The following CLPTM1 variants were observed in gnomAD, a reference collection of about 807,000 sequenced individuals.
The protein encoded by CLPTM1 is putative lipid scramblase CLPTM1.
A neutral mutation model predicts 77.3 loss-of-function variants in CLPTM1; 21 were observed. The observed-to-expected ratio is 0.27, with a 90% CI of 0.19 to 0.39. The LOEUF (loss-of-function observed/expected upper bound fraction) is 0.39, where lower values mean the gene tolerates loss of function less well. Among genes scored for constraint, CLPTM1 ranks in the 10% least tolerant of loss-of-function variants. The pLI is 1.00. For synonymous variants in CLPTM1, 373 were observed against 381.0 expected, an observed-to-expected ratio of 0.98 and a Z score of 0.24; for missense variants, 642 against 921.2, an observed-to-expected ratio of 0.70 and a Z score of 3.92.
intron 2 of CLPTM1, among the ~76,000 whole-genome samples, chr19:44,969,006 A>C (rs1970677647): frequency 6.6e-6 from 1 of 152,140 alleles, no homozygotes; most frequent in Non-Finnish European, 1.5e-5. Context: ...GCCCCTGATC[A>C]GGGCTCAGCA....
At chr19:44,985,330 A>G in intron 6 of CLPTM1, 27 bp downstream of exon 6, 2 of 1,496,566 alleles carry the variant, frequency 1.3e-6, no homozygotes, top group South Asian at 1.1e-5. Context: ...GTCAGGGCCT[A>G]TAGGGACCAA....
chr19:44,957,326 C>T (rs891957596), intron 1 of CLPTM1, among the ~76,000 whole-genome samples: 4 of 152,252 alleles, frequency 2.6e-5, no homozygotes, highest in Admixed American at 2.6e-4. Flanking sequence ...CAGCCCTGCC[C>T]TACTGGGTTT....
At chr19:44,955,825 C>G (rs76904536) in intron 1 of CLPTM1, 4 of 234,946 alleles carry the variant, frequency 1.7e-5, no homozygotes, top group Non-Finnish European at 2.5e-5. Context: ...GTTCAGGTCT[C>G]GTTGTAGTGT....
chr19:44,959,006 C>T (rs115238020), intron 1 of CLPTM1, among the ~76,000 whole-genome samples: 1,932 of 152,292 alleles, frequency 0.013, 38 homozygotes, highest in African/African-American at 0.042. Flanking sequence ...TTATTTTTTA[C>T]AACCTAGGAT....
Position 44,991,438 on chromosome 19 carries a change from G to A in CLPTM1, c.1555+65G>A. On this transcript the variant is annotated intron_variant, in intron 12 of 13. Transcript: ENST00000337392. The surrounding 1 kb of genome is among the most constrained non-coding windows in gnomAD (Gnocchi z 5.4). ...GCTGCGCAGGGCTCACAGCCCCAGT[G>A]TAGGAGACAGACCCATCCCCAGACA... 3.8e-6 allele frequency: 6 copies of A among 1,574,772 alleles called. No individual in the cohort carries two copies. Among genetic ancestry groups the A allele is most frequent in the East Asian group, 2.3e-5 (1 of 44,428 alleles).
rs557119560 is a variant in CLPTM1, at chr19:44,991,797, T to C, written c.1555+424T>C. Among the ~76,000 whole-genome samples the C allele has an allele frequency of 3.9e-5, 6 of 152,122 alleles. No homozygotes were observed. The East Asian group carries it at 1.2e-3, about 29-fold the overall frequency. On this transcript the variant is annotated intron_variant, in intron 12 of 13. Coordinates refer to ENST00000337392, the MANE Select transcript of CLPTM1 (RefSeq NM_001294.4). The surrounding 1 kb of genome is among the most constrained non-coding windows in gnomAD (Gnocchi z 5.4). Reference sequence around the variant, plus strand: ...GTGCGTGCCTGTAGTCCCAGCTACCTGGGAGGCTGAGGTGGGAGGATCCCT... The same window carrying C: ...GTGCGTGCCTGTAGTCCCAGCTACCCGGGAGGCTGAGGTGGGAGGATCCCT...
intron 1 of CLPTM1, among the ~76,000 whole-genome samples, chr19:44,960,233 C>G (rs562421749): frequency 8.5e-4 from 129 of 152,306 alleles, no homozygotes; most frequent in African/African-American, 2.8e-3. Flanking sequence ...CTCAGGGAGG[C>G]CTCTCTGACC....
At chr19:44,978,547 C>G (rs1398312256) in intron 5 of CLPTM1, among the ~76,000 whole-genome samples, 1 of 152,064 alleles carries the variant, frequency 6.6e-6, no homozygotes, top group Non-Finnish European at 1.5e-5. Flanking sequence ...GTGGGAGGAT[C>G]GCTTGAACCT....
intron 5 of CLPTM1, among the ~76,000 whole-genome samples, chr19:44,981,544 G>A (rs536597040): frequency 8.0e-4 from 122 of 152,230 alleles, no homozygotes; most frequent in Non-Finnish European, 3.5e-4. Flanking sequence ...GCAGTGAACT[G>A]TGATCAGGCC....
intron 1 of CLPTM1, among the ~76,000 whole-genome samples, chr19:44,958,939 G>A (rs1296073760): frequency 6.6e-6 from 1 of 152,186 alleles, no homozygotes; most frequent in Non-Finnish European, 1.5e-5. Context: ...CTTTCATTGG[G>A]CATAATGGGT....
intron 6 of CLPTM1, 37 bp from the exon 7 acceptor site, chr19:44,986,418 A>C (rs774533868): frequency 6.2e-7 from 1 of 1,603,908 alleles, no homozygotes; most frequent in Non-Finnish European, 8.5e-7. Context: ...GAGCACTTCC[A>C]CCTGCCTCTG....
At chr19:44,963,479 C>T (rs1970577802) in intron 2 of CLPTM1, among the ~76,000 whole-genome samples, 1 of 151,116 alleles carries the variant, frequency 6.6e-6, no homozygotes, top group Non-Finnish European at 1.5e-5. Context: ...GCACCCGCCA[C>T]CACACCTGGC....
intron 7 of CLPTM1, 28 bp from the exon 8 acceptor site, chr19:44,987,151 A>C: frequency 6.3e-7 from 1 of 1,594,266 alleles, no homozygotes; most frequent in Middle Eastern, 1.7e-4. Flanking sequence ...GCCCGGGCCA[A>C]ATGGTGCCCC....
chr19:44,954,661 G>A (rs1314649071), upstream of CLPTM1: 5 of 1,118,046 alleles, frequency 4.5e-6, no homozygotes, highest in East Asian at 3.0e-4. Flanking sequence ...GAAAAATTGT[G>A]GAATTCTCAG....
rs199735762 is a variant in CLPTM1, at chr19:44,992,718, G to A, written c.1831G>A (p.Val611Met). The A allele has an allele frequency of 2.0e-5, 33 of 1,613,302 alleles. No individual in the cohort carries two copies. The African/African-American group carries it at 3.6e-4, about 18-fold the overall frequency. ...AGAAGACCCCACAGCTGCCGCCCCC[G>A]TGGCCGAGGTTCCCACAGCAGCAGG... ...SGEDPTAAAP[V>M]AEVPTAAGAL... Residue 611 changes from valine to methionine, a missense_variant, in exon 14 of 14, where the codon GTG becomes ATG. Coordinates refer to ENST00000337392, the MANE Select transcript of CLPTM1 (RefSeq NM_001294.4). This position sits in a 1 kb window ranked among gnomAD's most constrained non-coding sequence, Gnocchi z 7.7.
chr19:44,961,613 G>A (rs1041257847), intron 1 of CLPTM1, among the ~76,000 whole-genome samples: 5 of 152,040 alleles, frequency 3.3e-5, no homozygotes, highest in South Asian at 2.1e-4. Flanking sequence ...AAGTTGCCCC[G>A]AACCCTAGAC....
intron 2 of CLPTM1, among the ~76,000 whole-genome samples, chr19:44,968,622 G>A (rs544731318): frequency 5.5e-5 from 5 of 90,540 alleles, no homozygotes; most frequent in South Asian, 4.7e-4. Flanking sequence ...AACTGTGGGC[G>A]TGTGGATACA....
In CLPTM1 at chr19:44,990,297, C is replaced by G; in HGVS notation, c.1133-98C>G. 7.7e-7 allele frequency: 1 copy of G among 1,294,700 alleles called. No individual in the cohort carries two copies. Among genetic ancestry groups the G allele is most frequent in the Non-Finnish European group, 1.1e-6 (1 of 922,800 alleles). 80.2% of individuals were successfully genotyped at this position (1,294,700 alleles called of 1,614,324 possible). A position where few individuals can be genotyped will look rare whatever the true frequency, so the allele number is the denominator to read the frequency against. On this transcript the variant is annotated intron_variant, in intron 9 of 13. Coordinates refer to ENST00000337392, the MANE Select transcript of CLPTM1 (RefSeq NM_001294.4). The surrounding 1 kb of genome is among the most constrained non-coding windows in gnomAD (Gnocchi z 4.8). ...CCCTCCTGAGGACCCAGCCCCACCC[C>G]AGGGTGTGAGGATGCAGGCCAAGGG...
chr19:44,962,895 C>A (rs1413242003), intron 2 of CLPTM1, among the ~76,000 whole-genome samples: 2 of 151,902 alleles, frequency 1.3e-5, no homozygotes, highest in Admixed American at 6.6e-5. Context: ...GATACCCCAT[C>A]TCTACTAAAA....
Sources: gnomAD v4.1 joint callset for allele counts (sites outside exome capture counted in the v4.1 genomes callset) on GRCh38, gnomAD v4.1.1 for gene constraint, Gnocchi (gnomAD v3.1) non-coding constraint, MANE v1.5 for transcripts, NCBI Gene and HGNC (gene_info 2026-07-23, HGNC 2026-07-21) for gene names.